PRKCQ: variants seen among roughly 807,000 people sequenced by gnomAD.
PRKCQ encodes protein kinase C theta type.
Under a neutral mutation model 91.2 loss-of-function variants are expected in PRKCQ, and 41 were observed. That is an observed-to-expected ratio of 0.45 (90% CI 0.35 to 0.58). PRKCQ has a LOEUF of 0.58. PRKCQ is among the 20% of genes least tolerant of loss of function. The probability of loss-of-function intolerance (pLI) is 0.00; values close to 1 mark genes in which losing one functional copy is unlikely to be tolerated. For synonymous variants in PRKCQ, 307 were observed against 316.9 expected, an observed-to-expected ratio of 0.97 and a Z score of 0.33; for missense variants, 673 against 896.5, an observed-to-expected ratio of 0.75 and a Z score of 3.18.
At chr10:6,402,604 C>T in the PRKCQ span, among the ~76,000 whole-genome samples, 1 of 152,122 alleles carries the variant, frequency 6.6e-6, no homozygotes, top group African/African-American at 2.4e-5. Flanking sequence ...CTGTTCCGAG[C>T]TTTCTTGTAT....
chr10:6,452,534 G>A (rs1445947660), intron 15 of PRKCQ, among the ~76,000 whole-genome samples: 1 of 151,010 alleles, frequency 6.6e-6, no homozygotes, highest in Non-Finnish European at 1.5e-5. Context: ...TCCCCATCAA[G>A]CTACCAATGA....
At chr10:6,408,710 G>A in the PRKCQ span, among the ~76,000 whole-genome samples, 1 of 152,192 alleles carries the variant, frequency 6.6e-6, no homozygotes, top group Non-Finnish European at 1.5e-5. Flanking sequence ...AACATTTCCT[G>A]AGACCCAGTT....
chr10:6,503,020 T>C (rs1838003258), intron 4 of PRKCQ, among the ~76,000 whole-genome samples: 2 of 152,110 alleles, frequency 1.3e-5, no homozygotes, highest in Non-Finnish European at 2.9e-5. Flanking sequence ...CACTTAGCTG[T>C]ATGACTTTTT....
At chr10:6,400,433 G>A in the PRKCQ span, among the ~76,000 whole-genome samples, 2 of 152,170 alleles carry the variant, frequency 1.3e-5, no homozygotes, top group South Asian at 2.1e-4. Flanking sequence ...TCGCTGTGTT[G>A]TTATGCAGGT....
intron 1 of PRKCQ, among the ~76,000 whole-genome samples, chr10:6,533,744 T>C (rs2130904280): frequency 6.6e-6 from 1 of 152,316 alleles, no homozygotes; most frequent in Admixed American, 6.5e-5. Context: ...ATATAAAAGT[T>C]TTGTGTTTAA....
At chr10:6,550,426 A>G (rs904953047) in intron 1 of PRKCQ, among the ~76,000 whole-genome samples, 3 of 152,122 alleles carry the variant, frequency 2.0e-5, no homozygotes, top group Admixed American at 6.5e-5. Context: ...GGCACATGCC[A>G]CCATGCCCGG....
intron 1 of PRKCQ, among the ~76,000 whole-genome samples, chr10:6,529,955 G>C (rs757605960): frequency 3.9e-5 from 6 of 152,168 alleles, no homozygotes; most frequent in Non-Finnish European, 8.8e-5. Context: ...ATAGGAACTT[G>C]TTTCATGGGT....
intron 15 of PRKCQ, among the ~76,000 whole-genome samples, chr10:6,447,515 A>G (rs1834380454): frequency 6.6e-6 from 1 of 151,864 alleles, no homozygotes; most frequent in South Asian, 2.1e-4. Context: ...TGCTCCTATT[A>G]TAGGAACACA....
At chr10:6,411,206 C>A in the PRKCQ span, among the ~76,000 whole-genome samples, 84 of 152,232 alleles carry the variant, frequency 5.5e-4, no homozygotes, top group East Asian at 0.015. Context: ...GTTCTTTAAG[C>A]TCTTTATCAG....
At chr10:6,418,997 A>T in the PRKCQ span, among the ~76,000 whole-genome samples, 1 of 138,926 alleles carries the variant, frequency 7.2e-6, no homozygotes, top group East Asian at 2.1e-4. Context: ...CTATCTATCT[A>T]TCTATCTTGC....
intron 1 of PRKCQ, among the ~76,000 whole-genome samples, chr10:6,526,672 T>C (rs1030952828): frequency 6.6e-6 from 1 of 152,026 alleles, no homozygotes; most frequent in African/African-American, 2.4e-5. Context: ...TGCGTGGAGT[T>C]GAGCAAGGGG....
intron 12 of PRKCQ, among the ~76,000 whole-genome samples, chr10:6,472,045 A>T (rs1836002005): frequency 6.6e-6 from 1 of 152,090 alleles, no homozygotes; most frequent in South Asian, 2.1e-4. Flanking sequence ...GCGGTGGCTC[A>T]CGCCCGTAAT....
chr10:6,472,274 C>G (rs1335475250), intron 12 of PRKCQ, among the ~76,000 whole-genome samples: 1 of 152,130 alleles, frequency 6.6e-6, no homozygotes, highest in South Asian at 2.1e-4. Context: ...CACCACTGCA[C>G]TCCAGGCTGG....
the PRKCQ span, among the ~76,000 whole-genome samples, chr10:6,397,663 G>A: frequency 6.6e-6 from 1 of 152,152 alleles, no homozygotes; most frequent in Non-Finnish European, 1.5e-5. Context: ...GGTGGCTCAT[G>A]CCTGTAATCC....
At chr10:6,505,802 A>G (rs1838177254) in intron 4 of PRKCQ, among the ~76,000 whole-genome samples, 1 of 151,794 alleles carries the variant, frequency 6.6e-6, no homozygotes, top group Admixed American at 6.6e-5. Flanking sequence ...CGCACCACCA[A>G]CTCTGGCTAA....
At chr10:6,439,405 G>A (rs547176979) in intron 16 of PRKCQ, among the ~76,000 whole-genome samples, 1 of 152,308 alleles carries the variant, frequency 6.6e-6, no homozygotes, top group African/African-American at 2.4e-5. Flanking sequence ...GAGCTGGTCT[G>A]TAGGTATTTT....
chr10:6,577,607 A>G (rs1841292954), intron 1 of PRKCQ, among the ~76,000 whole-genome samples: 1 of 152,222 alleles, frequency 6.6e-6, no homozygotes. Context: ...ATATAACAAT[A>G]TATCATTTTA....
At chr10:6,473,514 G>C (rs973452051) in intron 12 of PRKCQ, among the ~76,000 whole-genome samples, 1 of 152,228 alleles carries the variant, frequency 6.6e-6, no homozygotes, top group Admixed American at 6.5e-5. Context: ...CAACGTGTAA[G>C]CGTTCTCAGG....
At chr10:6,529,035 C>G (rs1028981261) in intron 1 of PRKCQ, among the ~76,000 whole-genome samples, 1 of 152,198 alleles carries the variant, frequency 6.6e-6, no homozygotes, top group African/African-American at 2.4e-5. Context: ...AAGTTCTCTT[C>G]TGGATGTCAG....
Sources: gnomAD v4.1 joint callset for allele counts (sites outside exome capture counted in the v4.1 genomes callset) on GRCh38, gnomAD v4.1.1 for gene constraint, MANE v1.5 for transcripts, NCBI Gene and HGNC (gene_info 2026-07-23, HGNC 2026-07-21) for gene names.